The following SH3PXD2A variants were observed in gnomAD, a reference collection of about 807,000 sequenced individuals.
SH3PXD2A encodes the protein SH3 and PX domains 2A.
Under a neutral mutation model 115.2 loss-of-function variants are expected in SH3PXD2A, and 32 were observed. The ratio of observed to expected loss-of-function variants is 0.28; its 90% CI spans 0.21 to 0.37. The LOEUF is 0.37. Ranked by LOEUF, SH3PXD2A falls within the 10% of genes least tolerant of loss-of-function variation. The pLI is 1.00. For missense variants in SH3PXD2A, 1,328 were observed against 1,498.7 expected, an observed-to-expected ratio of 0.89 and a Z score of 1.88; for synonymous variants, 610 against 629.1, an observed-to-expected ratio of 0.97 and a Z score of 0.45.
At chr10:103,853,895 G>C (rs1473728) in intron 1 of SH3PXD2A, among the ~76,000 whole-genome samples, 132,381 of 152,194 alleles carry the variant, frequency 0.87, 58,739 homozygotes, top group East Asian at 0.99. Context: ...TCCAAAAAGA[G>C]CTTTCTTGTA....
chr10:103,830,499 A>G (rs996479224), intron 1 of SH3PXD2A, among the ~76,000 whole-genome samples: 3 of 152,170 alleles, frequency 2.0e-5, no homozygotes, highest in African/African-American at 7.2e-5. Context: ...TCCTGGAGAA[A>G]TCTTTGTGGA....
At chr10:103,818,978 G>A (rs550020666) in intron 1 of SH3PXD2A, among the ~76,000 whole-genome samples, 1 of 152,302 alleles carries the variant, frequency 6.6e-6, no homozygotes, top group South Asian at 2.1e-4. Flanking sequence ...TTCTTGACTG[G>A]ATTACAAAGT....
chr10:103,785,885 G>T lies in SH3PXD2A; in HGVS notation c.153+15397C>A, dbSNP rs561315365. Among the ~76,000 whole-genome samples the T allele has an allele frequency of 1.1e-4, 17 of 151,862 alleles. No homozygotes were observed. In the South Asian group the frequency reaches 3.1e-3, roughly 28 times the overall value. On this transcript the variant is annotated intron_variant, in intron 2 of 14. Coordinates refer to ENST00000369774, the MANE Select transcript of SH3PXD2A (RefSeq NM_001394015.1). Reference sequence around the variant, plus strand: ...AGACTGGCAAAGACAGAATCAGGGCGAGAGAAAAAGCCTCCGGGGAGGCTG... The same window carrying T: ...AGACTGGCAAAGACAGAATCAGGGCTAGAGAAAAAGCCTCCGGGGAGGCTG...
At chr10:103,649,932 A>G (rs549510568) in intron 8 of SH3PXD2A, among the ~76,000 whole-genome samples, 1 of 152,276 alleles carries the variant, frequency 6.6e-6, no homozygotes, top group South Asian at 2.1e-4. Context: ...GGGCAGCCCC[A>G]CCTTCCCTGG....
chr10:103,638,845 C>T (rs1314019988), intron 8 of SH3PXD2A, among the ~76,000 whole-genome samples: 1 of 152,192 alleles, frequency 6.6e-6, no homozygotes, highest in Non-Finnish European at 1.5e-5. Flanking sequence ...CCAGGGATGG[C>T]CAGGGAAGCA....
intron 3 of SH3PXD2A, among the ~76,000 whole-genome samples, chr10:103,764,121 A>C (rs1055331689): frequency 1.3e-5 from 2 of 152,218 alleles, no homozygotes; most frequent in African/African-American, 4.8e-5. Context: ...CTCCTCCTGG[A>C]AGCCCTGTGC....
At chr10:103,647,421 G>T (rs2037052136) in intron 8 of SH3PXD2A, among the ~76,000 whole-genome samples, 1 of 152,132 alleles carries the variant, frequency 6.6e-6, no homozygotes, top group Non-Finnish European at 1.5e-5. Flanking sequence ...AGAGACCAGG[G>T]TGTGGAGGGC....
At chr10:103,759,542 C>T (rs1163479638) in intron 3 of SH3PXD2A, among the ~76,000 whole-genome samples, 3 of 152,200 alleles carry the variant, frequency 2.0e-5, no homozygotes, top group Non-Finnish European at 2.9e-5. Flanking sequence ...GAGGGGACCT[C>T]GCACAGCCTT....
At chr10:103,709,281 A>T (rs1221596646) in intron 5 of SH3PXD2A, among the ~76,000 whole-genome samples, 1 of 152,178 alleles carries the variant, frequency 6.6e-6, no homozygotes, top group African/African-American at 2.4e-5. Flanking sequence ...CAGAAAGAGC[A>T]CTGGACTTGG....
At chr10:103,781,478 G>A (rs2038931063) in intron 2 of SH3PXD2A, among the ~76,000 whole-genome samples, 1 of 152,204 alleles carries the variant, frequency 6.6e-6, no homozygotes, top group Non-Finnish European at 1.5e-5. Context: ...TTAGGTCTGG[G>A]ACCTGTGCAG....
intron 5 of SH3PXD2A, among the ~76,000 whole-genome samples, chr10:103,697,404 G>A (rs182201574): frequency 1.3e-5 from 2 of 152,290 alleles, no homozygotes; most frequent in African/African-American, 2.4e-5. Context: ...GTCCTACAGA[G>A]CCCCTGAAAC....
In SH3PXD2A at chr10:103,650,632, A is replaced by G. The variant is rs367808698; in HGVS notation, c.604+10351T>C. Among the ~76,000 whole-genome samples, 3 of 152,128 alleles carry G rather than the reference A, an allele frequency of 2.0e-5. No individual in the cohort carries two copies. In the South Asian group the frequency reaches 6.2e-4, roughly 32 times the overall value. The stretch of plus-strand genomic sequence containing the variant: ...CCACCTGGGGCCTGCCCCTTGTTCA[A>G]GGCCTACCTTCTCCAGAAGTAGGCC... On this transcript the variant is annotated intron_variant, in intron 8 of 14. Coordinates refer to ENST00000369774, the MANE Select transcript of SH3PXD2A (RefSeq NM_001394015.1).
In SH3PXD2A at chr10:103,597,510, G is replaced by A. The variant is rs1168573654; in HGVS notation, c.*4306C>T. ...GCCTGCCTCTGCTCCAGGGACTGGG[G>A]CCTAGAGGTCAAGGGCCCCATGCCT... On this transcript the variant is annotated 3_prime_UTR_variant, in exon 15 of 15. Transcript: ENST00000369774. The A allele has an allele frequency of 1.3e-5, 2 of 152,240 alleles. No homozygotes were observed. Among genetic ancestry groups the A allele is most frequent in the Non-Finnish European group, 2.9e-5 (2 of 68,062 alleles). 9.4% of individuals were successfully genotyped at this position (152,240 alleles called of 1,614,324 possible). A position where few individuals can be genotyped will look rare whatever the true frequency, so the allele number is the denominator to read the frequency against.
chr10:103,678,821 G>C (rs2037573377), intron 6 of SH3PXD2A, among the ~76,000 whole-genome samples: 1 of 152,220 alleles, frequency 6.6e-6, no homozygotes, highest in African/African-American at 2.4e-5. Flanking sequence ...CCCAGGAAAC[G>C]GCTGGGCTCT....
chr10:103,730,344 G>A (rs1343511888), intron 4 of SH3PXD2A, among the ~76,000 whole-genome samples: 6 of 149,896 alleles, frequency 4.0e-5, no homozygotes, highest in South Asian at 2.1e-4. Context: ...AAGCCCGGCC[G>A]CGCTGGGTGG....
intron 1 of SH3PXD2A, among the ~76,000 whole-genome samples, chr10:103,808,391 G>A (rs1277086878): frequency 6.6e-6 from 1 of 151,952 alleles, no homozygotes; most frequent in Non-Finnish European, 1.5e-5. Context: ...AGCTGGCATT[G>A]CAGGTGCCTG....
chr10:103,698,692 A>C (rs1374315656), intron 5 of SH3PXD2A, among the ~76,000 whole-genome samples: 1 of 152,182 alleles, frequency 6.6e-6, no homozygotes, highest in Non-Finnish European at 1.5e-5. Context: ...AGGCAACCTC[A>C]TTAAGGCCTG....
intron 5 of SH3PXD2A, among the ~76,000 whole-genome samples, chr10:103,720,831 G>T (rs2134168299): frequency 6.6e-6 from 1 of 152,306 alleles, no homozygotes; most frequent in Admixed American, 6.5e-5. Context: ...TTTGTGGCAG[G>T]CACACTCTGC....
chr10:103,810,652 G>A (rs950870922), intron 1 of SH3PXD2A, among the ~76,000 whole-genome samples: 4 of 152,076 alleles, frequency 2.6e-5, no homozygotes, highest in Non-Finnish European at 4.4e-5. Flanking sequence ...TGATACCCAT[G>A]GGGCACCGAG....
Sources: gnomAD v4.1 joint callset for allele counts (sites outside exome capture counted in the v4.1 genomes callset) on GRCh38, gnomAD v4.1.1 for gene constraint, MANE v1.5 for transcripts, NCBI Gene and HGNC (gene_info 2026-07-23, HGNC 2026-07-21) for gene names.